The following URI1 variants were observed in gnomAD, a reference collection of about 807,000 sequenced individuals.
URI1 encodes unconventional prefoldin RPB5 interactor 1.
A neutral mutation model predicts 60.2 loss-of-function variants in URI1; 39 were observed. The ratio of observed to expected loss-of-function variants is 0.65; its 90% confidence interval spans 0.50 to 0.85. The LOEUF is 0.85. Ranked by LOEUF, URI1 falls within the 40% of genes least tolerant of loss-of-function variation. URI1 has a pLI of 0.00. For missense variants in URI1, 691 were observed against 665.9 expected (o/e 1.04, Z -0.42); for synonymous variants, 251 against 236.8 (o/e 1.06, Z -0.55).
chr19:29,965,028 A>G (rs1017888006), intron 1 of URI1, among the ~76,000 whole-genome samples: 3 of 152,134 alleles, frequency 2.0e-5, no homozygotes, highest in Admixed American at 6.6e-5. Context: ...ATTTACTGTA[A>G]GAAGTCAGGA....
intron 10 of URI1, among the ~76,000 whole-genome samples, chr19:30,014,499 C>CG (rs1267531987): frequency 2.6e-5 from 4 of 152,202 alleles, no homozygotes; most frequent in African/African-American, 9.6e-5. Context: ...CATTCATCAA[C>CG]TGATGTACAA....
chr19:29,971,689 CTT>C (rs533979534), intron 2 of URI1, among the ~76,000 whole-genome samples: 6 of 138,490 alleles, frequency 4.3e-5, no homozygotes, highest in Middle Eastern at 3.9e-3. Flanking sequence ...ATTGACTGTA[CTT>C]TTTTTTTTTT....
At chr19:29,952,074 A>G (rs1568412923) in intron 1 of URI1, among the ~76,000 whole-genome samples, 2 of 152,238 alleles carry the variant, frequency 1.3e-5, no homozygotes, top group Non-Finnish European at 2.9e-5. Context: ...AACCTTCAAT[A>G]TACCAGAAAA....
intron 10 of URI1, among the ~76,000 whole-genome samples, chr19:30,013,909 T>C (rs10756): frequency 0.57 from 86,185 of 151,520 alleles, 26,894 homozygotes; most frequent in Non-Finnish European, 0.7. Flanking sequence ...GTTTCAGTGG[T>C]GGGGCAAGGT....
intron 2 of URI1, among the ~76,000 whole-genome samples, chr19:29,972,109 T>A (rs1055229440): frequency 6.6e-6 from 1 of 152,088 alleles, no homozygotes; most frequent in Non-Finnish European, 1.5e-5. Context: ...ATATCAAATG[T>A]TTTTTGGTTT....
Position 29,942,434 on chromosome 19 carries a change from G to C in URI1, c.-114G>C, listed in dbSNP as rs1428931318. The C allele has an allele frequency of 1.0e-6, 1 of 986,202 alleles. No individual in the cohort carries two copies. Among genetic ancestry groups the C allele is most frequent in the Non-Finnish European group, 1.2e-6 (1 of 831,192 alleles). 61.1% of individuals were successfully genotyped at this position (986,202 alleles called of 1,614,324 possible). On this transcript the variant is annotated 5_prime_UTR_variant, in exon 1 of 11. Coordinates refer to ENST00000392271, the MANE Select transcript of URI1 (RefSeq NM_003796.3). ...GCGGCGGGCGCGGCCTCCTGGGCGC[G>C]GGGCGCGCGGTGCCTGAGGGCGGGC...
intron 1 of URI1, among the ~76,000 whole-genome samples, chr19:29,950,233 A>G (rs891123971): frequency 1.3e-5 from 2 of 152,242 alleles, no homozygotes; most frequent in African/African-American, 2.4e-5. Flanking sequence ...CTAGATTGGA[A>G]GAAAAGATGG....
At chr19:29,986,712 T>G (rs753938252) in intron 4 of URI1, among the ~76,000 whole-genome samples, 9 of 152,146 alleles carry the variant, frequency 5.9e-5, no homozygotes, top group Non-Finnish European at 8.8e-5. Flanking sequence ...AAAATTGGAG[T>G]CATTTTATAC....
intron 1 of URI1, among the ~76,000 whole-genome samples, chr19:29,926,789 C>T (rs2145188558): frequency 6.6e-6 from 1 of 152,318 alleles, no homozygotes; most frequent in East Asian, 1.9e-4. Context: ...GAGAAGGCTT[C>T]CCTGGAGAGG....
At chr19:29,927,363 A>C (rs1488370376) in intron 1 of URI1, among the ~76,000 whole-genome samples, 1 of 150,304 alleles carries the variant, frequency 6.7e-6, no homozygotes, top group Admixed American at 6.7e-5. Flanking sequence ...TCCCAGGTTC[A>C]AGTGATTCTT....
chr19:29,939,850 A>G (rs1420983010), upstream of URI1, among the ~76,000 whole-genome samples: 1 of 152,066 alleles, frequency 6.6e-6, no homozygotes, highest in Admixed American at 6.6e-5. Flanking sequence ...GGTTGGCTTG[A>G]GTGGTAGGGG....
At chr19:29,939,523 C>T (rs904960141), upstream of URI1, among the ~76,000 whole-genome samples, 9 of 152,124 alleles carry the variant, frequency 5.9e-5, no homozygotes, top group Non-Finnish European at 8.8e-5. Context: ...ATCCGCCTGC[C>T]TCCACCTCCC....
chr19:29,952,233 G>C (rs971600445), intron 1 of URI1, among the ~76,000 whole-genome samples: 1 of 152,210 alleles, frequency 6.6e-6, no homozygotes, highest in East Asian at 1.9e-4. Flanking sequence ...TTTAAACACA[G>C]CAGTTCTCTT....
At chr19:29,930,235 G>A (rs1020164244) in intron 1 of URI1, among the ~76,000 whole-genome samples, 5 of 152,030 alleles carry the variant, frequency 3.3e-5, no homozygotes, top group African/African-American at 4.8e-5. Flanking sequence ...CAATGAGCCC[G>A]GTTGATAGTG....
Position 29,956,943 on chromosome 19 carries a change from C to G in URI1, c.118-14250C>G, listed in dbSNP as rs1599672527. 1.6e-5 allele frequency: 16 copies of G among 1,010,516 alleles called. No individual in the cohort carries two copies. In the South Asian group the frequency reaches 2.0e-4, roughly 13 times the overall value. 62.6% of individuals were successfully genotyped at this position (1,010,516 alleles called of 1,614,324 possible). ...GTGCGTCCCTTCAGAGTAACGTTGACATTTTCTGGAATGTCAACAGTCTGA... is the reference window on the plus strand; with the variant it reads ...GTGCGTCCCTTCAGAGTAACGTTGAGATTTTCTGGAATGTCAACAGTCTGA... On this transcript the variant is annotated intron_variant, in intron 1 of 10. Coordinates refer to ENST00000392271, the MANE Select transcript of URI1 (RefSeq NM_003796.3).
chr19:29,998,283 C>T (rs1327322964), intron 4 of URI1, among the ~76,000 whole-genome samples: 1 of 152,064 alleles, frequency 6.6e-6, no homozygotes, highest in East Asian at 1.9e-4. Context: ...CCATGTTTCC[C>T]TTAGAAGGTG....
At position 30,009,030 on chromosome 19, in the gene URI1, G is replaced by A. The variant is rs1007269455; in HGVS notation, c.712G>A (p.Gly238Arg). ...DSKPDTVIAN[G>R]EDTTSSEEEK... Reference sequence around the variant, plus strand: ...TAAGCCTGATACTGTGATTGCAAATGGAGAAGATACGACATCTTCTGAAGA... The same window carrying A: ...TAAGCCTGATACTGTGATTGCAAATAGAGAAGATACGACATCTTCTGAAGA... The change falls in exon 8 of 11, where the codon GGA (glycine) becomes AGA (arginine). Residue 238 changes from glycine (G) to arginine (R), a missense_variant. By Grantham distance (125) the Gly-to-Arg change is moderately radical. Coordinates refer to ENST00000392271, the MANE Select transcript of URI1 (RefSeq NM_003796.3). 4.3e-6 allele frequency: 7 copies of A among 1,611,366 alleles called. No individual in the cohort carries two copies. The African/African-American group carries it at 9.4e-5, about 22-fold the overall frequency.
chr19:30,009,344 G>A lies in URI1; in HGVS notation c.1026G>A (p.Glu342=). The A allele has an allele frequency of 6.2e-7, 1 of 1,611,542 alleles. No homozygotes were observed. Among genetic ancestry groups the A allele is most frequent in the South Asian group, 1.1e-5 (1 of 90,958 alleles). The stretch of plus-strand genomic sequence containing the variant: ...CAATATATTTTTCACATACTGTTGA[G>A]CCTAAGAGGGTTTGTATACTTTTAA... The part of the protein sequence containing the change: ...IPTIYFSHTV[E]PKRVRINTGK... Residue 342 remains glutamate (E), a synonymous_variant, in exon 8 of 11, where the codon GAG becomes GAA. Transcript: ENST00000392271.
At chr19:30,014,060 A>T (rs2056055893) in intron 10 of URI1, 1 of 151,826 alleles carries the variant, frequency 6.6e-6, no homozygotes, top group African/African-American at 2.4e-5. Context: ...TGGAGGTTCT[A>T]AATACCAGCA....
Sources: gnomAD v4.1 joint callset for allele counts (sites outside exome capture counted in the v4.1 genomes callset) on GRCh38, gnomAD v4.1.1 for gene constraint, MANE v1.5 for transcripts, NCBI Gene and HGNC (gene_info 2026-07-23, HGNC 2026-07-21) for gene names.